The following SEMA3E variants were observed in gnomAD, a reference collection of about 807,000 sequenced individuals.
SEMA3E encodes the protein semaphorin 3E, also known as semaphorin-3E.
A neutral mutation model predicts 93.6 loss-of-function variants in SEMA3E; 49 were observed. That is an observed-to-expected ratio of 0.52 (90% CI 0.42 to 0.66). The LOEUF is 0.66. Among genes scored for constraint, SEMA3E ranks in the 30% least tolerant of loss-of-function variants. The pLI is 0.00. For missense variants in SEMA3E, 906 were observed against 964.8 expected (o/e 0.94, Z 0.81); for synonymous variants, 363 against 330.7 (o/e 1.10, Z -1.06).
chr7:83,385,848 G>A (rs1447692169), intron 15 of SEMA3E, among the ~76,000 whole-genome samples: 1 of 152,140 alleles, frequency 6.6e-6, no homozygotes, highest in Non-Finnish European at 1.5e-5. Flanking sequence ...AAACACAAAT[G>A]TGGATTATAT....
chr7:83,458,796 A>G (rs976695912), intron 4 of SEMA3E, among the ~76,000 whole-genome samples: 3 of 150,646 alleles, frequency 2.0e-5, no homozygotes, highest in African/African-American at 7.3e-5. Context: ...ATAAAAATGA[A>G]CTGTGTGTCT....
At chr7:83,380,325 A>C (rs1787752544) in intron 16 of SEMA3E, among the ~76,000 whole-genome samples, 1 of 151,796 alleles carries the variant, frequency 6.6e-6, no homozygotes, top group African/African-American at 2.4e-5. Flanking sequence ...ATCATCCTAA[A>C]TGTTCTTGAC....
chr7:83,402,539 T>C (rs1184756573), intron 10 of SEMA3E, 93 bp downstream of exon 10: 2 of 1,167,906 alleles, frequency 1.7e-6, no homozygotes, highest in African/African-American at 1.5e-5. Context: ...TATTCCTTAA[T>C]TGTTTATCTG....
chr7:83,544,670 C>T (rs1791608809), intron 1 of SEMA3E, among the ~76,000 whole-genome samples: 1 of 152,056 alleles, frequency 6.6e-6, no homozygotes, highest in African/African-American at 2.4e-5. Context: ...TGATTTACAT[C>T]GTTTCCCTAA....
At chr7:83,616,170 T>C (rs1221540647) in intron 1 of SEMA3E, among the ~76,000 whole-genome samples, 2 of 152,220 alleles carry the variant, frequency 1.3e-5, no homozygotes, top group East Asian at 1.9e-4. Context: ...TCTATTCTCT[T>C]AACCTTTTGG....
intron 16 of SEMA3E, among the ~76,000 whole-genome samples, chr7:83,376,179 A>G (rs753271471): frequency 6.6e-6 from 1 of 152,034 alleles, no homozygotes; most frequent in Non-Finnish European, 1.5e-5. Flanking sequence ...AAATAATATT[A>G]ATGGGGAACA....
intron 1 of SEMA3E, among the ~76,000 whole-genome samples, chr7:83,570,563 A>AAACAAAAAAAAAAACAAAAAAAAAC (rs1792262684): frequency 6.9e-6 from 1 of 145,826 alleles, no homozygotes; most frequent in African/African-American, 2.6e-5. Context: ...AAAAAAAAAA[A>AAACAAAAAAAAAAACAAAAAAAAAC]AAAAAAAAAG....
chr7:83,440,316 T>C (rs1396325069), intron 4 of SEMA3E, among the ~76,000 whole-genome samples: 1 of 151,854 alleles, frequency 6.6e-6, no homozygotes, highest in Non-Finnish European at 1.5e-5. Flanking sequence ...GGTGGTAGGG[T>C]GGTCTGGTTT....
intron 1 of SEMA3E, among the ~76,000 whole-genome samples, chr7:83,616,977 G>C (rs1793382406): frequency 6.6e-6 from 1 of 151,912 alleles, no homozygotes; most frequent in African/African-American, 2.4e-5. Context: ...CACCCACCTT[G>C]GCCTCCCAAA....
chr7:83,413,924 G>T (rs1788491404), intron 5 of SEMA3E, among the ~76,000 whole-genome samples: 1 of 152,074 alleles, frequency 6.6e-6, no homozygotes, highest in Non-Finnish European at 1.5e-5. Context: ...GAAGAGTGGG[G>T]CTTTTTTCTT....
Position 83,538,236 on chromosome 7 carries a change from T to C in SEMA3E, c.116-47962A>G, listed in dbSNP as rs1260682224. On this transcript the variant is annotated intron_variant, in intron 1 of 16. Coordinates refer to ENST00000643230, the MANE Select transcript of SEMA3E (RefSeq NM_012431.3). ...TATACCTAGTGGAGTTTCTGGGTCA[T>C]AGGGCAACTAATCATTTGAGGACCT... 2.0e-5 allele frequency among the ~76,000 whole-genome samples: 3 copies of C among 152,284 alleles called. No individual in the cohort carries two copies. The East Asian group carries it at 5.8e-4, about 29-fold the overall frequency.
intron 5 of SEMA3E, among the ~76,000 whole-genome samples, chr7:83,413,690 C>A (rs1215468218): frequency 2.0e-5 from 3 of 152,118 alleles, no homozygotes; most frequent in Admixed American, 6.6e-5. Context: ...GTTGTTTGGG[C>A]TTTCGGTTTA....
chr7:83,507,959 A>G (rs1001298374), intron 1 of SEMA3E, among the ~76,000 whole-genome samples: 5 of 152,168 alleles, frequency 3.3e-5, no homozygotes, highest in Middle Eastern at 3.4e-3. Flanking sequence ...CACAAAAAAC[A>G]AAAAACTGAT....
At chr7:83,424,872 G>A (rs979642223) in intron 4 of SEMA3E, 7 of 257,860 alleles carry the variant, frequency 2.7e-5, no homozygotes, top group Non-Finnish European at 3.9e-5. Context: ...TGGAGGAATG[G>A]GGCCCTGACC....
chr7:83,397,147 T>C (rs1446827522), intron 11 of SEMA3E, among the ~76,000 whole-genome samples: 1 of 151,892 alleles, frequency 6.6e-6, no homozygotes, highest in East Asian at 1.9e-4. Flanking sequence ...ATGAAACATG[T>C]TAATCACTGT....
intron 4 of SEMA3E, among the ~76,000 whole-genome samples, chr7:83,434,400 AATGCATTAATAAGCAGT>A (rs1788955522): frequency 6.6e-6 from 1 of 152,194 alleles, no homozygotes; most frequent in South Asian, 2.1e-4. Flanking sequence ...AGAAGATTTA[AATGCATTAATAAGCAGT>A]ATGCAATCTC....
chr7:83,593,634 A>T (rs1355663587), intron 1 of SEMA3E, among the ~76,000 whole-genome samples: 2 of 151,940 alleles, frequency 1.3e-5, no homozygotes, highest in East Asian at 3.9e-4. Context: ...CCCTTAACTG[A>T]AAGTAAAGAT....
At chr7:83,648,085 C>T (rs1207655273) in intron 1 of SEMA3E, among the ~76,000 whole-genome samples, 2 of 152,106 alleles carry the variant, frequency 1.3e-5, no homozygotes, top group Non-Finnish European at 2.9e-5. Flanking sequence ...CTACTGTTAA[C>T]TTGGTGGATT....
At position 83,605,574 on chromosome 7, in the gene SEMA3E, G is replaced by A. The variant is rs563752492; in HGVS notation, c.115+42854C>T. Among the ~76,000 whole-genome samples the A allele has an allele frequency of 3.3e-5, 5 of 151,968 alleles. No homozygotes were observed. The South Asian group carries it at 8.3e-4, about 25-fold the overall frequency. ...GCCTCCTGAGTAGCTGGGATTACAG[G>A]CACCCACCACCACCCCCAGCTATTT... On this transcript the variant is annotated intron_variant, in intron 1 of 16. Transcript: ENST00000643230.
Sources: gnomAD v4.1 joint callset for allele counts (sites outside exome capture counted in the v4.1 genomes callset) on GRCh38, gnomAD v4.1.1 for gene constraint, MANE v1.5 for transcripts, NCBI Gene and HGNC (gene_info 2026-07-23, HGNC 2026-07-21) for gene names.